PKHD1: variants seen among roughly 807,000 people sequenced by gnomAD.
PKHD1 encodes the protein fibrocystin.
A neutral mutation model predicts 412.0 loss-of-function variants in PKHD1; 291 were observed. The ratio of observed to expected loss-of-function variants is 0.71; its 90% CI spans 0.64 to 0.78. The LOEUF is 0.78. PKHD1 is among the 30% of genes least tolerant of loss of function. The pLI is 0.00. For synonymous variants in PKHD1, 1,777 were observed against 1,821.5 expected (o/e 0.98, Z 0.62); for missense variants, 4,825 against 4,950.7 (o/e 0.97, Z 0.76).
chr6:51,847,753 A>G (rs1257167136), intron 50 of PKHD1, 22 bp downstream of exon 50: 10 of 1,533,864 alleles, frequency 6.5e-6, no homozygotes, highest in Non-Finnish European at 8.1e-6. Flanking sequence ...CTCTCAAAAC[A>G]TTCATCCAAT....
chr6:51,940,215 T>C (rs922609685), intron 36 of PKHD1, among the ~76,000 whole-genome samples: 1 of 151,608 alleles, frequency 6.6e-6, no homozygotes, highest in African/African-American at 2.4e-5. Flanking sequence ...TGACATTAAA[T>C]AAAACTACAA....
chr6:51,937,995 T>C (rs1472508549), intron 36 of PKHD1, among the ~76,000 whole-genome samples: 5 of 152,308 alleles, frequency 3.3e-5, no homozygotes, highest in South Asian at 2.1e-4. Flanking sequence ...TTCCTAGGTG[T>C]AAGCCAAGCT....
intron 39 of PKHD1, 139 bp downstream of exon 39, chr6:51,911,660 C>G (rs1051419135): frequency 1.4e-6 from 1 of 740,242 alleles, no homozygotes; most frequent in Admixed American, 2.0e-5. Context: ...ATTCTGAAAA[C>G]TACAGAAAAG....
At chr6:51,796,932 G>A (rs952691160) in intron 52 of PKHD1, among the ~76,000 whole-genome samples, 2 of 151,190 alleles carry the variant, frequency 1.3e-5, no homozygotes, top group Admixed American at 1.3e-4. Flanking sequence ...CCTTGCCTCA[G>A]GCTCCTGAGT....
At chr6:51,775,759 T>TAC in intron 54 of PKHD1, 49 bp downstream of exon 54, 1 of 886,288 alleles carries the variant, frequency 1.1e-6, no homozygotes, top group South Asian at 1.3e-5. Flanking sequence ...AAGCACACAA[T>TAC]ACACACACAT....
chr6:52,077,834 C>G (rs1186211621), intron 5 of PKHD1, among the ~76,000 whole-genome samples: 2 of 152,292 alleles, frequency 1.3e-5, no homozygotes, highest in East Asian at 3.9e-4. Context: ...AAGATTAATA[C>G]AGTTACACAC....
At chr6:51,694,549 T>G (rs1026322802) in intron 60 of PKHD1, among the ~76,000 whole-genome samples, 15 of 16,076 alleles carry the variant, frequency 9.3e-4, no homozygotes, top group Non-Finnish European at 2.8e-3. Flanking sequence ...ACAACCAGCC[T>G]TTTTTTTTTT....
intron 11 of PKHD1, among the ~76,000 whole-genome samples, chr6:52,068,895 C>T (rs1582081616): frequency 6.6e-6 from 1 of 152,302 alleles, no homozygotes; most frequent in East Asian, 1.9e-4. Context: ...CTGAACCAAC[C>T]CCACAGACAT....
chr6:51,778,673 G>C (rs1442297850), intron 53 of PKHD1, among the ~76,000 whole-genome samples: 2 of 151,980 alleles, frequency 1.3e-5, no homozygotes, highest in African/African-American at 4.8e-5. Context: ...TAATTATTTG[G>C]GGAATATGGT....
intron 27 of PKHD1, among the ~76,000 whole-genome samples, chr6:52,040,532 G>C (rs1222935330): frequency 6.6e-6 from 1 of 152,034 alleles, no homozygotes; most frequent in Non-Finnish European, 1.5e-5. Flanking sequence ...TGAGCTGAGG[G>C]CCATTCATAT....
At chr6:51,778,186 C>A (rs1791377323) in intron 53 of PKHD1, among the ~76,000 whole-genome samples, 1 of 152,062 alleles carries the variant, frequency 6.6e-6, no homozygotes, top group Non-Finnish European at 1.5e-5. Context: ...ATGAGGGTAG[C>A]CACCTCTGAG....
intron 29 of PKHD1, among the ~76,000 whole-genome samples, chr6:52,029,430 A>G (rs1347592079): frequency 6.6e-6 from 1 of 152,216 alleles, no homozygotes; most frequent in Non-Finnish European, 1.5e-5. Flanking sequence ...CCCTCAAAGA[A>G]GCCTCAACGG....
intron 60 of PKHD1, among the ~76,000 whole-genome samples, chr6:51,732,785 A>T (rs1406798528): frequency 6.6e-6 from 1 of 152,318 alleles, no homozygotes; most frequent in East Asian, 1.9e-4. Flanking sequence ...TCACTTCTGG[A>T]TCTATACCCA....
At chr6:51,785,531 CAG>C (rs1294232362) in intron 53 of PKHD1, among the ~76,000 whole-genome samples, 2 of 152,112 alleles carry the variant, frequency 1.3e-5, no homozygotes, top group Non-Finnish European at 2.9e-5. Context: ...CTGTATTTAT[CAG>C]CCATTATAAA....
intron 55 of PKHD1, among the ~76,000 whole-genome samples, chr6:51,762,277 A>G (rs1788141041): frequency 6.6e-6 from 1 of 152,126 alleles, no homozygotes; most frequent in East Asian, 1.9e-4. Flanking sequence ...AATCTTTATC[A>G]TAAGATTGGT....
At chr6:51,695,240 A>G (rs1778656357) in intron 60 of PKHD1, among the ~76,000 whole-genome samples, 1 of 152,300 alleles carries the variant, frequency 6.6e-6, no homozygotes, top group African/African-American at 2.4e-5. Flanking sequence ...TTAAATAAAC[A>G]TTATCTAATG....
chr6:51,955,994 T>A (rs1168059970), intron 36 of PKHD1, among the ~76,000 whole-genome samples: 7 of 152,072 alleles, frequency 4.6e-5, no homozygotes, highest in Non-Finnish European at 1.0e-4. Flanking sequence ...GATTATTCAA[T>A]CTTATATTTG....
Position 51,767,395 on chromosome 6 carries a change from G to T in PKHD1, c.8642+5307C>A, listed in dbSNP as rs544508496. Among the ~76,000 whole-genome samples the T allele has an allele frequency of 2.0e-3, 304 of 152,076 alleles. 1 individual carries two copies. Among genetic ancestry groups the T allele is most frequent in the African/African-American group, 7.0e-3 (292 of 41,502 alleles). Reference sequence around the variant, plus strand: ...GTACATGTGCACAACGTGCAGGTTTGTTACATATGTATACATGTGCCATGT... The same window carrying T: ...GTACATGTGCACAACGTGCAGGTTTTTTACATATGTATACATGTGCCATGT... On this transcript the variant is annotated intron_variant, in intron 55 of 66. Coordinates refer to ENST00000371117, the MANE Select transcript of PKHD1 (RefSeq NM_138694.4).
intron 60 of PKHD1, among the ~76,000 whole-genome samples, chr6:51,688,061 C>T (rs1297157764): frequency 1.3e-5 from 2 of 152,200 alleles, no homozygotes; most frequent in African/African-American, 4.8e-5. Flanking sequence ...TACATTTTCA[C>T]TCTGATGTAC....
Sources: allele counts gnomAD v4.1 joint callset (sites outside exome capture counted in the v4.1 genomes callset), GRCh38; gene constraint gnomAD v4.1.1; transcripts MANE v1.5; gene names NCBI Gene and HGNC (gene_info 2026-07-23, HGNC 2026-07-21).